Variants in CCDC102A observed in about 807,000 individuals in gnomAD.
CCDC102A encodes coiled-coil domain containing 102A.
A neutral mutation model predicts 55.5 loss-of-function variants in CCDC102A; 40 were observed. The observed-to-expected ratio is 0.72, with a 90% CI of 0.56 to 0.94. CCDC102A has a LOEUF of 0.94. Ranked by LOEUF, CCDC102A falls within the 40% of genes least tolerant of loss-of-function variation. The pLI, the probability that CCDC102A is intolerant of heterozygous loss-of-function variation, is 0.00. For synonymous variants in CCDC102A, 323 were observed against 339.0 expected, an observed-to-expected ratio of 0.95 and a Z score of 0.52; for missense variants, 779 against 768.6, an observed-to-expected ratio of 1.01 and a Z score of -0.16.
intron 3 of CCDC102A, among the ~76,000 whole-genome samples, chr16:57,525,499 C>T (rs575144361): frequency 1.3e-5 from 2 of 152,322 alleles, no homozygotes; most frequent in Non-Finnish European, 2.9e-5. Flanking sequence ...TTCACATCCC[C>T]AGCTGCCTCC....
chr16:57,528,572 C>A (rs773967531), intron 2 of CCDC102A, 21 bp downstream of exon 2: 3 of 1,219,086 alleles, frequency 2.5e-6, no homozygotes, highest in African/African-American at 1.6e-5. Flanking sequence ...GGAGCGCGAA[C>A]GCCCCGCCCG....
Position 57,515,413 on chromosome 16 carries a change from A to T in CCDC102A, c.1451T>A (p.Leu484Gln). 6.2e-7 allele frequency: 1 copy of T among 1,608,356 alleles called. No individual in the cohort carries two copies. The highest frequency in any genetic ancestry group is 8.5e-7 in the Non-Finnish European group (1 of 1,178,930). Reference sequence around the variant, plus strand: ...CGTCTGCTCGTCCAGCGACCGCTGCAGCTTACGTGCCTGGTTGTGGGCCTC... The same window carrying T: ...CGTCTGCTCGTCCAGCGACCGCTGCTGCTTACGTGCCTGGTTGTGGGCCTC... Reference protein sequence around the residue: ...LDEAHNQARKLQRSLDEQTEQ... With the variant: ...LDEAHNQARKQQRSLDEQTEQ... Residue 484 changes from leucine to glutamine, a missense_variant, in exon 8 of 9, where the codon CTG becomes CAG. Transcript: ENST00000258214.
In CCDC102A at chr16:57,516,446, C is replaced by G; in HGVS notation, c.1266G>C (p.Lys422Asn). ...FEKNKELADL[K>N]HVHGKLKKQF... Reference sequence around the variant, plus strand: ...GCTTCTTCAGCTTGCCATGCACATGCTTCAGGTCTGCCAGCTCCTACAGGG... The same window carrying G: ...GCTTCTTCAGCTTGCCATGCACATGGTTCAGGTCTGCCAGCTCCTACAGGG... Residue 422 changes from lysine (K) to asparagine (N), a missense_variant, in exon 7 of 9, where the codon AAG (lysine) becomes AAC (asparagine). Lys to Asn is a moderately conservative substitution (Grantham distance 94, BLOSUM62 0). Coordinates refer to ENST00000258214, the MANE Select transcript of CCDC102A (RefSeq NM_033212.4). The surrounding 1 kb of genome is among the most constrained non-coding windows in gnomAD (Gnocchi z 4.4). The G allele has an allele frequency of 6.2e-7, 1 of 1,607,422 alleles. No individual in the cohort carries two copies. Among genetic ancestry groups the G allele is most frequent in the Non-Finnish European group, 8.5e-7 (1 of 1,179,476 alleles).
At chr16:57,513,035 T>C (rs775399811) in intron 8 of CCDC102A, among the ~76,000 whole-genome samples, 165 bp from the exon 9 acceptor site, 3 of 152,218 alleles carry the variant, frequency 2.0e-5, no homozygotes, top group African/African-American at 4.8e-5. Context: ...CACCCCCATT[T>C]TACAAGCAAG....
At position 57,516,379 on chromosome 16, in the gene CCDC102A, G is replaced by C. The variant is rs772077929; in HGVS notation, c.1333C>G (p.Arg445Gly). 2 of 1,609,538 alleles carry C rather than the reference G, an allele frequency of 1.2e-6. No individual in the cohort carries two copies. The highest frequency in any genetic ancestry group is 1.7e-6 in the Non-Finnish European group (2 of 1,179,984). ...ACCTCAGCCTCGTGCTGCTCCACCC[G>C]CCGGTTGGCATGTGCCAGCTCTGCC... ...KVAELAHANRRVEQHEAEVKK... is the reference protein window; with the variant it reads ...KVAELAHANRGVEQHEAEVKK... The change falls in exon 7 of 9, where the codon CGG becomes GGG. Residue 445 changes from arginine to glycine, a missense_variant. Transcript: ENST00000258214. This position sits in a 1 kb window ranked among gnomAD's most constrained non-coding sequence, Gnocchi z 4.4.
In CCDC102A at chr16:57,518,615, A is replaced by G. The variant is rs369644452; in HGVS notation, c.1038+10T>C. On this transcript the variant is annotated intron_variant, in intron 5 of 8. Transcript: ENST00000258214. ...ACCCAGGTCCTCCTGGGTCCCATCC[A>G]TGGCCTCACCTCGCCCCTCAGCTCG... is the stretch of plus-strand genomic sequence containing the variant. 1 of 1,609,426 alleles carries G rather than the reference A, an allele frequency of 6.2e-7. No individual in the cohort carries two copies. Among genetic ancestry groups the G allele is most frequent in the Non-Finnish European group, 8.5e-7 (1 of 1,176,730 alleles).
At chr16:57,524,074 T>C (rs1285676443) in intron 3 of CCDC102A, among the ~76,000 whole-genome samples, 4 of 152,122 alleles carry the variant, frequency 2.6e-5, no homozygotes, top group Non-Finnish European at 5.9e-5. Context: ...ACAGTGACGA[T>C]GGCAAGAGAG....
intron 5 of CCDC102A, 35 bp from the exon 6 acceptor site, chr16:57,518,312 C>A (rs775860435): frequency 1.3e-6 from 2 of 1,593,870 alleles, no homozygotes. Context: ...GGACTCCCAG[C>A]GGAGGGGGCA....
At chr16:57,517,832 G>A (rs1325747193) in intron 6 of CCDC102A, among the ~76,000 whole-genome samples, 2 of 152,246 alleles carry the variant, frequency 1.3e-5, no homozygotes, top group Non-Finnish European at 2.9e-5. Context: ...GGGGAAGAGG[G>A]GAGGCCACAT....
chr16:57,523,886 CAG>C (rs1322169056), intron 3 of CCDC102A, among the ~76,000 whole-genome samples: 1 of 152,146 alleles, frequency 6.6e-6, no homozygotes, highest in African/African-American at 2.4e-5. Context: ...GTTCCACTCT[CAG>C]AGAGAGAGGC....
At chr16:57,518,783 A>C in intron 4 of CCDC102A, 42 bp from the exon 5 acceptor site, 2 of 1,489,264 alleles carry the variant, frequency 1.3e-6, no homozygotes, top group Non-Finnish European at 9.2e-7. Context: ...AACCACCAGG[A>C]TATAGCCTGG....
In CCDC102A at chr16:57,512,877, G is replaced by A; in HGVS notation, c.1524-7C>T. The A allele has an allele frequency of 1.9e-6, 3 of 1,612,230 alleles. No individual in the cohort carries two copies. The highest frequency in any genetic ancestry group is 2.5e-6 in the Non-Finnish European group (3 of 1,179,432). Reference sequence around the variant, plus strand: ...CTGCTGCTGCCTGCGGAGCCTGTGGGGTGGGGGTGACAGGAGGTTAGAGCA... The same window carrying A: ...CTGCTGCTGCCTGCGGAGCCTGTGGAGTGGGGGTGACAGGAGGTTAGAGCA... On this transcript the variant is annotated splice_region_variant and splice_polypyrimidine_tract_variant and intron_variant, in intron 8 of 8. Transcript: ENST00000258214.
chr16:57,536,983 C>T (rs2032408044), upstream of CCDC102A, among the ~76,000 whole-genome samples: 1 of 152,212 alleles, frequency 6.6e-6, no homozygotes, highest in South Asian at 2.1e-4. Context: ...TGGGCCAGCT[C>T]TGCCACCGAG....
chr16:57,531,759 A>G (rs1686244122), intron 1 of CCDC102A, among the ~76,000 whole-genome samples: 1 of 151,816 alleles, frequency 6.6e-6, no homozygotes, highest in South Asian at 2.1e-4. Flanking sequence ...CTGTGCTCCT[A>G]ATTTCTCCCT....
At chr16:57,524,830 C>G (rs2032108396) in intron 3 of CCDC102A, among the ~76,000 whole-genome samples, 1 of 152,202 alleles carries the variant, frequency 6.6e-6, no homozygotes, top group African/African-American at 2.4e-5. Flanking sequence ...CTGCTCTGAT[C>G]AAGGTCACTG....
chr16:57,521,328 A>G, intron 3 of CCDC102A, 152 bp from the exon 4 acceptor site: 1 of 622,890 alleles, frequency 1.6e-6, no homozygotes, highest in Non-Finnish European at 2.9e-6. Flanking sequence ...CTATGTGGCT[A>G]GAAGCACCCT....
Position 57,512,768 on chromosome 16 carries a change from G to A in CCDC102A, c.1626C>T (p.Asp542=), listed in dbSNP as rs777324423. Residue 542 remains aspartate, a synonymous_variant, in exon 9 of 9, where the codon GAC becomes GAT. Transcript: ENST00000258214. The part of the protein sequence containing the change: ...AEDGTSDLDE[D]EDLQIQVA ...AGGCCACCTGGATTTGCAGGTCCTC[G>A]TCCTCGTCCAGGTCACTGGTTCCAT... is the stretch of plus-strand genomic sequence containing the variant. 29 of 1,614,106 alleles carry A rather than the reference G, an allele frequency of 1.8e-5. No individual in the cohort carries two copies. The highest frequency in any genetic ancestry group is 2.2e-5 in the East Asian group (1 of 44,874).
intron 2 of CCDC102A, among the ~76,000 whole-genome samples, chr16:57,526,788 C>T (rs1428971717): frequency 2.6e-5 from 4 of 152,206 alleles, no homozygotes; most frequent in African/African-American, 9.7e-5. Context: ...CCCTCAGTTT[C>T]CCTAGCTGGA....
At chr16:57,534,060 G>A (rs1435932769) in intron 1 of CCDC102A, among the ~76,000 whole-genome samples, 1 of 152,126 alleles carries the variant, frequency 6.6e-6, no homozygotes, top group South Asian at 2.1e-4. Context: ...TAAGTCTCTG[G>A]GTTTGTATTC....
Sources: gnomAD v4.1 joint callset for allele counts (sites outside exome capture counted in the v4.1 genomes callset) on GRCh38, gnomAD v4.1.1 for gene constraint, Gnocchi (gnomAD v3.1) non-coding constraint, MANE v1.5 for transcripts, NCBI Gene and HGNC (gene_info 2026-07-23, HGNC 2026-07-21) for gene names.